FOXP1: variants seen among roughly 807,000 people sequenced by gnomAD.
FOXP1 encodes forkhead box P1, also known as forkhead box protein P1.
Under a neutral mutation model 98.2 loss-of-function variants are expected in FOXP1, and 15 were observed. That is an observed-to-expected ratio of 0.15 (90% confidence interval 0.10 to 0.24). FOXP1 has a LOEUF of 0.24. Among genes scored for constraint, FOXP1 ranks in the 10% least tolerant of loss-of-function variants. FOXP1 has a pLI of 1.00. For missense variants in FOXP1, 633 were observed against 848.5 expected (o/e 0.75, Z 3.15); for synonymous variants, 371 against 314.5 (o/e 1.18, Z -1.90).
At chr3:71,094,752 C>A (rs891184570) in intron 7 of FOXP1, among the ~76,000 whole-genome samples, 5 of 152,166 alleles carry the variant, frequency 3.3e-5, no homozygotes, top group African/African-American at 9.7e-5. Flanking sequence ...GGAGCCACAC[C>A]AGGAAGTGTT....
intron 5 of FOXP1, among the ~76,000 whole-genome samples, chr3:71,265,193 C>T (rs536062165): frequency 6.6e-6 from 1 of 152,280 alleles, no homozygotes; most frequent in African/African-American, 2.4e-5. Context: ...CTGGACTGTT[C>T]AACAACCTTG....
chr3:71,336,115 T>C (rs1169993011), intron 4 of FOXP1, among the ~76,000 whole-genome samples: 5 of 141,348 alleles, frequency 3.5e-5, no homozygotes, highest in Non-Finnish European at 7.6e-5. Context: ...TAGGGTCATA[T>C]CAGAAGGACA....
chr3:70,966,048 C>T lies in FOXP1; in HGVS notation c.1731G>A (p.Met577Ile). The T allele has an allele frequency of 6.2e-7, 1 of 1,614,084 alleles. No individual in the cohort carries two copies. The highest frequency in any genetic ancestry group is 1.3e-5 in the African/African-American group (1 of 75,034). ...TPLNAALQAS[M>I]AENSIPLYTT... The stretch of plus-strand genomic sequence containing the variant: ...TGTATAGAGGTATACTATTCTCAGC[C>T]ATTGAAGCCTGTCATCAACCAAGAG... The change falls in exon 20 of 21, where the codon ATG (methionine) becomes ATA (isoleucine). Residue 577 changes from methionine to isoleucine, a missense_variant. Coordinates refer to ENST00000649528, the MANE Select transcript of FOXP1 (RefSeq NM_001349338.3).
At chr3:71,088,137 G>A (rs967344804) in intron 7 of FOXP1, among the ~76,000 whole-genome samples, 8 of 152,186 alleles carry the variant, frequency 5.3e-5, no homozygotes, top group South Asian at 4.1e-4. Context: ...TGGAAATTGC[G>A]AAAGAGCAAC....
intron 7 of FOXP1, among the ~76,000 whole-genome samples, chr3:71,081,942 A>C (rs2054465903): frequency 6.6e-6 from 1 of 152,272 alleles, no homozygotes. Flanking sequence ...CACAATAGCC[A>C]ATGTGGCTAG....
rs147081979 is a variant in FOXP1, at chr3:71,111,000, G to A, written c.282+1536C>T. 7.7e-3 allele frequency among the ~76,000 whole-genome samples: 1,170 copies of A among 152,316 alleles called. 6 individuals carry two copies. The highest frequency in any genetic ancestry group is 0.013 in the Non-Finnish European group (871 of 68,018). On this transcript the variant is annotated intron_variant, in intron 7 of 20. Coordinates refer to ENST00000649528, the MANE Select transcript of FOXP1 (RefSeq NM_001349338.3). ...AGATTGTCAACTTTTCCAATAAAGC[G>A]TCACTATAGTGCTGAACTCTCTCTG...
intron 5 of FOXP1, among the ~76,000 whole-genome samples, chr3:71,280,562 G>A (rs2071426962): frequency 6.6e-6 from 1 of 151,956 alleles, no homozygotes; most frequent in Admixed American, 6.6e-5. Context: ...GACCTCAAGT[G>A]ATCCACCTGC....
intron 2 of FOXP1, among the ~76,000 whole-genome samples, chr3:71,496,431 T>A (rs1187881701): frequency 6.6e-6 from 1 of 152,128 alleles, no homozygotes; most frequent in Non-Finnish European, 1.5e-5. Flanking sequence ...AGATCAGCCA[T>A]GAGGAGAGGG....
chr3:71,396,966 G>A (rs1280292195), intron 3 of FOXP1, among the ~76,000 whole-genome samples: 1 of 15,974 alleles, frequency 6.3e-5, no homozygotes, highest in African/African-American at 2.7e-4. Context: ...ATATATATGT[G>A]TGTATATATA....
rs574643223 is a variant in FOXP1 at position 71,147,951 on chromosome 3, C to T, written c.181-35314G>A. Among the ~76,000 whole-genome samples the T allele has an allele frequency of 7.2e-5, 11 of 152,138 alleles. 1 individual carries two copies. In the South Asian group the frequency reaches 1.2e-3, roughly 17 times the overall value. ...AAACAGCATAGCAAAGACAAAAGAT[C>T]GCCAAAACACTAGAGAAATATTTGC... On this transcript the variant is annotated intron_variant, in intron 6 of 20. Coordinates refer to ENST00000649528, the MANE Select transcript of FOXP1 (RefSeq NM_001349338.3).
At chr3:71,044,751 G>T (rs2048797549) in intron 10 of FOXP1, among the ~76,000 whole-genome samples, 2 of 152,164 alleles carry the variant, frequency 1.3e-5, no homozygotes, top group Admixed American at 6.5e-5. Flanking sequence ...GCAGGCACAG[G>T]TTTAAAAAAT....
chr3:71,093,935 C>T (rs1020031253), intron 7 of FOXP1, among the ~76,000 whole-genome samples: 1 of 152,104 alleles, frequency 6.6e-6, no homozygotes, highest in African/African-American at 2.4e-5. Flanking sequence ...TAACATTGTT[C>T]TCTATCAGTT....
At chr3:71,485,182 C>T (rs1040169358) in intron 3 of FOXP1, among the ~76,000 whole-genome samples, 1 of 152,176 alleles carries the variant, frequency 6.6e-6, no homozygotes, top group Non-Finnish European at 1.5e-5. Context: ...AGGCCTGGTT[C>T]TATCCTGCCT....
At chr3:71,357,097 C>T (rs1488876701) in intron 4 of FOXP1, among the ~76,000 whole-genome samples, 2 of 152,132 alleles carry the variant, frequency 1.3e-5, no homozygotes, top group African/African-American at 4.8e-5. Flanking sequence ...TACATAAGAA[C>T]AGAGGGACAA....
At chr3:71,261,265 C>T (rs932543482) in intron 5 of FOXP1, among the ~76,000 whole-genome samples, 3 of 151,952 alleles carry the variant, frequency 2.0e-5, no homozygotes, top group Non-Finnish European at 4.4e-5. Flanking sequence ...ATAAATAATG[C>T]CACTTTTAGT....
intron 5 of FOXP1, among the ~76,000 whole-genome samples, chr3:71,244,503 G>GAA (rs59857852): frequency 0.55 from 77,323 of 141,730 alleles, 21,999 homozygotes; most frequent in African/African-American, 0.72. Context: ...TTGAAAAAGG[G>GAA]AAAAAAAAAA....
chr3:71,130,600 TGCCGAGTG>T (rs2059511917), intron 6 of FOXP1: 3 of 1,598,166 alleles, frequency 1.9e-6, no homozygotes, highest in Non-Finnish European at 2.5e-6. Flanking sequence ...AAGCGGGGGT[TGCCGAGTG>T]GTAAAAAAGA....
chr3:71,505,280 G>C (rs1257740584), intron 2 of FOXP1, among the ~76,000 whole-genome samples: 1 of 152,044 alleles, frequency 6.6e-6, no homozygotes, highest in Non-Finnish European at 1.5e-5. Flanking sequence ...GAAAAGCAAG[G>C]ACCCAAGTCA....
chr3:71,159,657 G>C (rs1270736727), intron 6 of FOXP1, among the ~76,000 whole-genome samples: 2 of 152,072 alleles, frequency 1.3e-5, no homozygotes, highest in Non-Finnish European at 2.9e-5. Context: ...CTGACCTTCA[G>C]CAGTCCTTTC....
Sources: allele counts gnomAD v4.1 joint callset (sites outside exome capture counted in the v4.1 genomes callset), GRCh38; gene constraint gnomAD v4.1.1; transcripts MANE v1.5; gene names NCBI Gene and HGNC (gene_info 2026-07-23, HGNC 2026-07-21).